NAALADL2: variants seen among roughly 807,000 people sequenced by gnomAD.
NAALADL2 encodes N-acetylated alpha-linked acidic dipeptidase like 2.
NAALADL2 carries 76 observed loss-of-function variants against 87.2 expected under a neutral mutation model. The observed-to-expected ratio is 0.87, with a 90% CI of 0.72 to 1.05. The LOEUF (loss-of-function observed/expected upper bound fraction) is 1.05, where lower values mean the gene tolerates loss of function less well. Among genes scored for constraint, NAALADL2 ranks in the 50% least tolerant of loss-of-function variants. NAALADL2 has a pLI of 0.00. For synonymous variants in NAALADL2, 354 were observed against 331.0 expected (o/e 1.07, Z -0.75); for missense variants, 1,089 against 945.8 (o/e 1.15, Z -1.99).
intron 2 of NAALADL2, among the ~76,000 whole-genome samples, chr3:174,568,161 A>G (rs140020572): frequency 2.3e-3 from 345 of 151,916 alleles, no homozygotes; most frequent in Non-Finnish European, 3.7e-3. Context: ...TCGCAGACAT[A>G]CTAATCTATT....
At chr3:174,525,798 G>C (rs887544010) in intron 1 of NAALADL2, among the ~76,000 whole-genome samples, 4 of 152,084 alleles carry the variant, frequency 2.6e-5, no homozygotes, top group Non-Finnish European at 4.4e-5. Flanking sequence ...TTTCATTTCT[G>C]TACTTAAAAG....
chr3:175,174,769 ATGTG>A lies in NAALADL2; in HGVS notation c.546-59146_546-59143del, dbSNP rs140644156. Among the ~76,000 whole-genome samples, 1,091 of 143,398 alleles carry A rather than the reference ATGTG, an allele frequency of 7.6e-3. 17 individuals carry two copies. The highest frequency in any genetic ancestry group is 0.025 in the African/African-American group (1,016 of 39,936). The allele number at this position is 143,398 out of a possible 152,430, so 94.1% of individuals were successfully genotyped here. ...GTTTATATAAACATATATGCTATTC[ATGTG>A]TGTGTGTGTGTGTGTATATATATGT... is the stretch of plus-strand genomic sequence containing the variant. On this transcript the variant is annotated intron_variant, in intron 2 of 13. Coordinates refer to ENST00000454872, the MANE Select transcript of NAALADL2 (RefSeq NM_207015.3).
At position 175,808,121 on chromosome 3, in the gene NAALADL2, C is replaced by T. The variant is rs1754868723; in HGVS notation, c.*4918C>T. On this transcript the variant is annotated 3_prime_UTR_variant, in exon 14 of 14. Coordinates refer to ENST00000454872, the MANE Select transcript of NAALADL2 (RefSeq NM_207015.3). ...TTAGTTTCATAATATCGTTCCATTG[C>T]CTGACAAAGATATACACACTGAAGT... The T allele has an allele frequency of 6.6e-6, 1 of 151,810 alleles. No homozygotes were observed. The highest frequency in any genetic ancestry group is 1.5e-5 in the Non-Finnish European group (1 of 67,890). 9.4% of individuals were successfully genotyped at this position (151,810 alleles called of 1,614,324 possible).
chr3:175,221,758 G>GTTATTTATTTATTTATTTATTTAT (rs58596469), intron 2 of NAALADL2, among the ~76,000 whole-genome samples: 12 of 148,976 alleles, frequency 8.1e-5, no homozygotes, highest in East Asian at 2.0e-4. Flanking sequence ...ATATTCAGTG[G>GTTATTTATTTATTTATTTATTTAT]TTATTTATTT....
chr3:174,615,268 A>T (rs939888258), intron 2 of NAALADL2, among the ~76,000 whole-genome samples: 1 of 152,166 alleles, frequency 6.6e-6, no homozygotes, highest in South Asian at 2.1e-4. Flanking sequence ...ACTGGATCTG[A>T]TCTATCCTTC....
intron 3 of NAALADL2, among the ~76,000 whole-genome samples, chr3:174,850,431 TA>T (rs1197482943): frequency 6.6e-5 from 10 of 151,930 alleles, no homozygotes; most frequent in Non-Finnish European, 1.0e-4. Flanking sequence ...GGATAGAAAA[TA>T]TATTCAACGC....
intron 10 of NAALADL2, among the ~76,000 whole-genome samples, chr3:175,603,790 T>C (rs1437884321): frequency 6.6e-6 from 1 of 151,948 alleles, no homozygotes; most frequent in Non-Finnish European, 1.5e-5. Context: ...TAAAAATACC[T>C]CTTAAAGCCT....
chr3:175,001,031 A>C (rs966301546), intron 1 of NAALADL2, among the ~76,000 whole-genome samples: 5 of 152,202 alleles, frequency 3.3e-5, no homozygotes, highest in Non-Finnish European at 7.3e-5. Context: ...AGGGTGGCCA[A>C]TTAACCTGTC....
intron 6 of NAALADL2, among the ~76,000 whole-genome samples, chr3:175,458,425 G>A (rs146349509): frequency 6.0e-5 from 9 of 149,042 alleles, no homozygotes; most frequent in African/African-American, 2.2e-4. Flanking sequence ...ATGTTCTCAT[G>A]GATATATATA....
intron 2 of NAALADL2, among the ~76,000 whole-genome samples, chr3:175,154,713 T>A (rs1222377953): frequency 6.6e-6 from 1 of 152,126 alleles, no homozygotes; most frequent in Non-Finnish European, 1.5e-5. Flanking sequence ...TATATTTTTC[T>A]TACTTCTGAG....
chr3:174,792,975 A>G (rs914302129), intron 3 of NAALADL2, among the ~76,000 whole-genome samples: 8 of 152,074 alleles, frequency 5.3e-5, no homozygotes, highest in Admixed American at 3.3e-4. Flanking sequence ...GGACTTATGT[A>G]AGATAAAAAT....
intron 11 of NAALADL2, among the ~76,000 whole-genome samples, chr3:175,697,574 G>A (rs1029384402): frequency 5.3e-5 from 8 of 151,740 alleles, no homozygotes; most frequent in Non-Finnish European, 1.0e-4. Context: ...TTGAGTTAGA[G>A]TTATGGGATA....
intron 1 of NAALADL2, among the ~76,000 whole-genome samples, chr3:174,457,415 C>T (rs1457417455): frequency 6.6e-6 from 1 of 152,144 alleles, no homozygotes; most frequent in African/African-American, 2.4e-5. Flanking sequence ...TCAATTGCAG[C>T]AGTGTTTACA....
intron 10 of NAALADL2, among the ~76,000 whole-genome samples, chr3:175,578,021 T>C (rs1192231987): frequency 6.6e-6 from 1 of 152,134 alleles, no homozygotes; most frequent in Non-Finnish European, 1.5e-5. Context: ...GGAAAATAGA[T>C]TGGTAGATTT....
chr3:174,844,039 A>C (rs528712339), intron 3 of NAALADL2, among the ~76,000 whole-genome samples: 1 of 152,078 alleles, frequency 6.6e-6, no homozygotes, highest in Non-Finnish European at 1.5e-5. Context: ...CAATTTGCCT[A>C]TTTTTGAGTT....
intron 11 of NAALADL2, among the ~76,000 whole-genome samples, chr3:175,644,425 A>C (rs1271115929): frequency 1.3e-5 from 2 of 152,002 alleles, no homozygotes; most frequent in Non-Finnish European, 2.9e-5. Context: ...CATGATGTTG[A>C]TGATACTGAG....
intron 2 of NAALADL2, among the ~76,000 whole-genome samples, chr3:174,657,597 C>T (rs932793734): frequency 2.6e-5 from 4 of 152,124 alleles, no homozygotes; most frequent in South Asian, 2.1e-4. Flanking sequence ...GTTAGAATGG[C>T]GTATTCGTGA....
chr3:175,268,360 AG>A (rs1424405987), intron 4 of NAALADL2, among the ~76,000 whole-genome samples: 21 of 152,282 alleles, frequency 1.4e-4, no homozygotes, highest in African/African-American at 5.1e-4. Context: ...ATACCTGTAT[AG>A]GGCACTTAGC....
chr3:175,149,876 A>G (rs1265879710), intron 2 of NAALADL2, among the ~76,000 whole-genome samples: 1 of 152,110 alleles, frequency 6.6e-6, no homozygotes, highest in Non-Finnish European at 1.5e-5. Flanking sequence ...AGGTATTCAG[A>G]CAAAGACTCT....
Sources: gnomAD v4.1 joint callset for allele counts (sites outside exome capture counted in the v4.1 genomes callset) on GRCh38, gnomAD v4.1.1 for gene constraint, MANE v1.5 for transcripts, NCBI Gene and HGNC (gene_info 2026-07-23, HGNC 2026-07-21) for gene names.